Variants in SLC8A1 observed in about 807,000 individuals in gnomAD.
SLC8A1 encodes the protein solute carrier family 8 member A1, also known as sodium/calcium exchanger 1.
In SLC8A1, 18 loss-of-function variants were observed where a neutral mutation model predicts 68.3. That is an observed-to-expected ratio of 0.26 (90% confidence interval 0.18 to 0.39). The LOEUF is 0.39. SLC8A1 is among the 10% of genes least tolerant of loss of function. The pLI, the probability that SLC8A1 is intolerant of heterozygous loss-of-function variation, is 1.00. For synonymous variants in SLC8A1, 475 were observed against 415.5 expected (o/e 1.14, Z -1.74); for missense variants, 985 against 1,156.7 (o/e 0.85, Z 2.15).
intron 4 of SLC8A1, among the ~76,000 whole-genome samples, chr2:40,167,268 A>AAGAT (rs762426329): frequency 1.3e-5 from 2 of 152,186 alleles, no homozygotes; most frequent in Non-Finnish European, 2.9e-5. Context: ...TGTACCTTTT[A>AAGAT]AGATAGGTAG....
intron 2 of SLC8A1, among the ~76,000 whole-genome samples, chr2:40,421,652 C>T (rs1695534541): frequency 6.6e-6 from 1 of 152,152 alleles, no homozygotes. Context: ...TTCTTACCTT[C>T]ATATCTTCAA....
At chr2:40,390,649 T>C (rs931432821) in intron 2 of SLC8A1, among the ~76,000 whole-genome samples, 2 of 152,100 alleles carry the variant, frequency 1.3e-5, no homozygotes, top group Admixed American at 6.6e-5. Context: ...TATAGACAGA[T>C]CATGCTGTTG....
At chr2:40,476,610 G>T (rs1330805684) in intron 1 of SLC8A1, among the ~76,000 whole-genome samples, 1 of 152,170 alleles carries the variant, frequency 6.6e-6, no homozygotes, top group Non-Finnish European at 1.5e-5. Context: ...ATTAGTCTGG[G>T]CAGAGGTCAT....
At chr2:40,500,479 C>T (rs188151190) in intron 1 of SLC8A1, among the ~76,000 whole-genome samples, 15 of 152,122 alleles carry the variant, frequency 9.9e-5, no homozygotes, top group Admixed American at 8.5e-4. Flanking sequence ...GAGTTTAACC[C>T]GTAGTTGCTA....
chr2:40,358,869 A>G (rs1286060347), intron 2 of SLC8A1, among the ~76,000 whole-genome samples: 1 of 152,298 alleles, frequency 6.6e-6, no homozygotes, highest in Non-Finnish European at 1.5e-5. Flanking sequence ...TGCTTCTACA[A>G]GACTGAAGGC....
chr2:40,359,433 G>A (rs928062438), intron 2 of SLC8A1, among the ~76,000 whole-genome samples: 4 of 152,098 alleles, frequency 2.6e-5, no homozygotes, highest in African/African-American at 9.7e-5. Context: ...GTGTGAAAAA[G>A]GGTTTTTGTC....
At chr2:40,301,200 G>A (rs748791887) in intron 2 of SLC8A1, among the ~76,000 whole-genome samples, 1 of 152,142 alleles carries the variant, frequency 6.6e-6, no homozygotes, top group Non-Finnish European at 1.5e-5. Context: ...CTGAGAATTT[G>A]CTAAGTGCTC....
At chr2:40,309,405 A>T (rs1028830907) in intron 2 of SLC8A1, among the ~76,000 whole-genome samples, 1 of 152,010 alleles carries the variant, frequency 6.6e-6, no homozygotes, top group African/African-American at 2.4e-5. Context: ...GGCTGGAGCT[A>T]CCTGATTCTA....
intron 2 of SLC8A1, among the ~76,000 whole-genome samples, chr2:40,187,790 G>A (rs1241219737): frequency 6.6e-6 from 1 of 152,180 alleles, no homozygotes; most frequent in Non-Finnish European, 1.5e-5. Context: ...AGGCTAGTCT[G>A]TCTAGTATCC....
At chr2:40,261,265 T>C (rs1224434525) in intron 2 of SLC8A1, among the ~76,000 whole-genome samples, 2 of 152,162 alleles carry the variant, frequency 1.3e-5, no homozygotes, top group East Asian at 3.9e-4. Flanking sequence ...GCCCAGGCCA[T>C]CAGTATTCTG....
intron 2 of SLC8A1, among the ~76,000 whole-genome samples, chr2:40,400,737 G>T (rs1411173447): frequency 6.6e-6 from 1 of 152,138 alleles, no homozygotes; most frequent in Non-Finnish European, 1.5e-5. Context: ...TGCAAGATGG[G>T]GGTAGGAGAG....
intron 2 of SLC8A1, among the ~76,000 whole-genome samples, chr2:40,423,909 T>G (rs768459643): frequency 6.6e-6 from 1 of 152,006 alleles, no homozygotes; most frequent in Non-Finnish European, 1.5e-5. Flanking sequence ...GATTTGGCTC[T>G]AAAAAGACAT....
intron 2 of SLC8A1, among the ~76,000 whole-genome samples, chr2:40,267,516 GC>G (rs1456542861): frequency 2.0e-5 from 3 of 152,152 alleles, no homozygotes; most frequent in Non-Finnish European, 4.4e-5. Context: ...GTATTTAATT[GC>G]TTGTTTGCCT....
At chr2:40,431,486 T>C (rs1698282241) in intron 1 of SLC8A1, among the ~76,000 whole-genome samples, 1 of 152,040 alleles carries the variant, frequency 6.6e-6, no homozygotes, top group Admixed American at 6.6e-5. Flanking sequence ...TCAACCACCA[T>C]GGCCTTAAGT....
At chr2:40,120,389 T>C (rs941833582) in intron 7 of SLC8A1, among the ~76,000 whole-genome samples, 5 of 152,196 alleles carry the variant, frequency 3.3e-5, no homozygotes, top group African/African-American at 4.8e-5. Flanking sequence ...CAGATCTTCA[T>C]GGTGTAGTAG....
chr2:40,476,093 TG>T (rs758486370), intron 1 of SLC8A1, among the ~76,000 whole-genome samples: 3 of 152,224 alleles, frequency 2.0e-5, no homozygotes, highest in Non-Finnish European at 2.9e-5. Context: ...TAAAGCATTT[TG>T]AGGTTAGTTG....
intron 2 of SLC8A1, among the ~76,000 whole-genome samples, chr2:40,193,178 C>CA (rs2148658348): frequency 6.6e-6 from 1 of 152,178 alleles, no homozygotes; most frequent in Non-Finnish European, 1.5e-5. Context: ...TTGATCTCAC[C>CA]ATGACAGTAA....
At chr2:40,299,447 C>T (rs536834066) in intron 2 of SLC8A1, among the ~76,000 whole-genome samples, 2 of 152,184 alleles carry the variant, frequency 1.3e-5, no homozygotes, top group African/African-American at 2.4e-5. Flanking sequence ...CTGAACTCAT[C>T]TCCTACTTGG....
At chr2:40,313,295 G>A (rs1364940793) in intron 2 of SLC8A1, among the ~76,000 whole-genome samples, 3 of 152,042 alleles carry the variant, frequency 2.0e-5, no homozygotes, top group Non-Finnish European at 2.9e-5. Flanking sequence ...TTTTATTGCT[G>A]AGTAGTATTG....
Sources: gnomAD v4.1 joint callset for allele counts (sites outside exome capture counted in the v4.1 genomes callset) on GRCh38, gnomAD v4.1.1 for gene constraint, MANE v1.5 for transcripts, NCBI Gene and HGNC (gene_info 2026-07-23, HGNC 2026-07-21) for gene names.